The following UBTD1 variants were observed in gnomAD, a reference collection of about 807,000 sequenced individuals.
UBTD1 encodes ubiquitin domain-containing protein 1.
In UBTD1, 19 loss-of-function variants were observed where a neutral mutation model predicts 21.7. The ratio of observed to expected loss-of-function variants is 0.87; its 90% CI spans 0.61 to 1.28. UBTD1 has a LOEUF of 1.28. UBTD1 is among the 50% of genes most tolerant of loss of function. UBTD1 has a pLI of 0.00. For missense variants in UBTD1, 282 were observed against 315.1 expected (o/e 0.89, Z 0.80); for synonymous variants, 116 against 135.1 (o/e 0.86, Z 0.98).
chr10:97,568,027 G>A lies in UBTD1; in HGVS notation c.184G>A (p.Glu62Lys), dbSNP rs1159008496. The stretch of plus-strand genomic sequence containing the variant: ...GTTCTGGGACACAGCGCCTGCCTTC[G>A]AGGGCCGCAAGGAGATCTGGGATGC... ...DEFWDTAPAF[E>K]GRKEIWDALK... Residue 62 changes from glutamate to lysine, a missense_variant, in exon 2 of 3, where the codon GAG (glutamate) becomes AAG (lysine). By Grantham distance (56) the Glu-to-Lys change is moderately conservative (BLOSUM62 1). Coordinates refer to ENST00000370664, the MANE Select transcript of UBTD1 (RefSeq NM_024954.5). The A allele has an allele frequency of 6.8e-6, 11 of 1,613,924 alleles. No homozygotes were observed. In the Admixed American group the frequency reaches 1.0e-4, roughly 15 times the overall value.
In UBTD1 at chr10:97,499,116, C is replaced by T; in HGVS notation, c.-88C>T. 5 of 1,409,332 alleles carry T rather than the reference C, an allele frequency of 3.5e-6. No individual in the cohort carries two copies. The South Asian group carries it at 5.6e-5, about 16-fold the overall frequency. 87.3% of individuals were successfully genotyped at this position (1,409,332 alleles called of 1,614,324 possible). On this transcript the variant is annotated 5_prime_UTR_variant, in exon 1 of 3. Coordinates refer to ENST00000370664, the MANE Select transcript of UBTD1 (RefSeq NM_024954.5). ...CGGGGAGCGCCCGATGCCGGGCGGC[C>T]GGAGCCATTGACCCGGGACGCCGCC...
At chr10:97,511,689 C>G (rs1043732579) in intron 1 of UBTD1, among the ~76,000 whole-genome samples, 1 of 152,056 alleles carries the variant, frequency 6.6e-6, no homozygotes, top group Non-Finnish European at 1.5e-5. Flanking sequence ...TGAAAGCGCT[C>G]TGTTCCCCCA....
At chr10:97,528,796 C>T (rs1252012073) in intron 1 of UBTD1, among the ~76,000 whole-genome samples, 7 of 138,666 alleles carry the variant, frequency 5.0e-5, no homozygotes, top group East Asian at 2.2e-4. Flanking sequence ...CCCTCCCGGA[C>T]GGGGCGGCTG....
At chr10:97,528,846 C>T (rs1330839999) in intron 1 of UBTD1, among the ~76,000 whole-genome samples, 3 of 138,376 alleles carry the variant, frequency 2.2e-5, no homozygotes, top group East Asian at 2.2e-4. Flanking sequence ...TAGGGGCGGC[C>T]GGGCAGAGGC....
Position 97,570,407 on chromosome 10 carries a change from C to T in UBTD1, c.568C>T (p.Arg190Trp), listed in dbSNP as rs752139608. 16 of 1,613,410 alleles carry T rather than the reference C, an allele frequency of 9.9e-6. No individual in the cohort carries two copies. Among genetic ancestry groups the T allele is most frequent in the Admixed American group, 1.7e-5 (1 of 60,032 alleles). ...AQEGIEPSWQ[R>W]WFFSGKLLTD... ...GGAGGGCATCGAGCCATCGTGGCAG[C>T]GGTGGTTCTTCTCCGGGAAGCTGCT... Residue 190 changes from arginine (R) to tryptophan (W), a missense_variant, in exon 3 of 3, where the codon CGG (arginine) becomes TGG (tryptophan). Arg to Trp is a moderately radical substitution (Grantham distance 101, BLOSUM62 -3). Transcript: ENST00000370664. The surrounding 1 kb of genome is among the most constrained non-coding windows in gnomAD (Gnocchi z 6.6).
At chr10:97,544,630 T>G (rs530436018) in intron 1 of UBTD1, among the ~76,000 whole-genome samples, 1 of 152,316 alleles carries the variant, frequency 6.6e-6, no homozygotes, top group South Asian at 2.1e-4. Flanking sequence ...AACACATATT[T>G]TGTATATTAT....
In UBTD1 at chr10:97,499,055, C is replaced by G; in HGVS notation, c.-149C>G. 1.2e-6 allele frequency: 1 copy of G among 858,848 alleles called. No homozygotes were observed. Among genetic ancestry groups the G allele is most frequent in the Non-Finnish European group, 1.7e-6 (1 of 584,516 alleles). 53.2% of individuals were successfully genotyped at this position (858,848 alleles called of 1,614,324 possible). ...CCTGGCCCGCAAAGTTTTGGCGGAG[C>G]CATCGCTGGGGCTGAGCGCGCCCCC... is the stretch of plus-strand genomic sequence containing the variant. On this transcript the variant is annotated 5_prime_UTR_variant, in exon 1 of 3. Coordinates refer to ENST00000370664, the MANE Select transcript of UBTD1 (RefSeq NM_024954.5).
chr10:97,535,441 C>T (rs1394329760), intron 1 of UBTD1, among the ~76,000 whole-genome samples: 1 of 152,092 alleles, frequency 6.6e-6, no homozygotes, highest in Non-Finnish European at 1.5e-5. Flanking sequence ...CAGTGAAACC[C>T]CATATCTACT....
chr10:97,568,876 T>A (rs1017003169), intron 2 of UBTD1, among the ~76,000 whole-genome samples: 6 of 151,816 alleles, frequency 4.0e-5, no homozygotes, highest in African/African-American at 1.5e-4. Flanking sequence ...CAGGCTGGAA[T>A]GCAGTGGAGC....
chr10:97,547,625 C>T (rs1403251652), intron 1 of UBTD1, among the ~76,000 whole-genome samples: 1 of 152,072 alleles, frequency 6.6e-6, no homozygotes, highest in Non-Finnish European at 1.5e-5. Context: ...AGTGCAGTGG[C>T]GTGATCTTGG....
At chr10:97,546,190 C>A (rs2040609924) in intron 1 of UBTD1, among the ~76,000 whole-genome samples, 1 of 152,172 alleles carries the variant, frequency 6.6e-6, no homozygotes, top group South Asian at 2.1e-4. Flanking sequence ...AATTGCCCCC[C>A]AGCTGGGGTG....
At chr10:97,541,224 C>T (rs900391608) in intron 1 of UBTD1, among the ~76,000 whole-genome samples, 4 of 152,146 alleles carry the variant, frequency 2.6e-5, no homozygotes, top group African/African-American at 4.8e-5. Context: ...TGCCTGTAAT[C>T]CTAGCAATTC....
At chr10:97,547,659 G>A (rs1317891089) in intron 1 of UBTD1, among the ~76,000 whole-genome samples, 1 of 152,124 alleles carries the variant, frequency 6.6e-6, no homozygotes, top group African/African-American at 2.4e-5. Flanking sequence ...CCACCTCCTG[G>A]GTTCAAGCGA....
chr10:97,517,238 G>A (rs1020881534), intron 1 of UBTD1, among the ~76,000 whole-genome samples: 3 of 152,254 alleles, frequency 2.0e-5, no homozygotes, highest in Middle Eastern at 3.4e-3. Context: ...GGGGCTCTGG[G>A]GAGGGGCCTG....
At chr10:97,531,782 C>T (rs1191961630) in intron 1 of UBTD1, among the ~76,000 whole-genome samples, 1 of 152,210 alleles carries the variant, frequency 6.6e-6, no homozygotes, top group Non-Finnish European at 1.5e-5. Context: ...CTGTGATAAA[C>T]AGTTCCTAGG....
chr10:97,503,524 G>A (rs2040386385), intron 1 of UBTD1, among the ~76,000 whole-genome samples: 1 of 152,202 alleles, frequency 6.6e-6, no homozygotes, highest in Admixed American at 6.5e-5. Flanking sequence ...ACTCTGTGAT[G>A]TGCCAGGCAT....
intron 1 of UBTD1, among the ~76,000 whole-genome samples, chr10:97,549,452 C>T (rs143965253): frequency 2.6e-5 from 4 of 152,328 alleles, no homozygotes; most frequent in African/African-American, 9.6e-5. Flanking sequence ...TGCAGCATGC[C>T]AGGCATTAAC....
At chr10:97,539,750 T>C (rs2040579209) in intron 1 of UBTD1, among the ~76,000 whole-genome samples, 1 of 152,154 alleles carries the variant, frequency 6.6e-6, no homozygotes, top group African/African-American at 2.4e-5. Flanking sequence ...TTGGGGGTCC[T>C]GCTCTTGTGG....
At position 97,500,725 on chromosome 10, in the gene UBTD1, C is replaced by T. The variant is rs563262437; in HGVS notation, c.70+1452C>T. Among the ~76,000 whole-genome samples, 152 of 152,056 alleles carry T rather than the reference C, an allele frequency of 1.0e-3. 1 individual carries two copies. The highest frequency in any genetic ancestry group is 1.7e-3 in the Non-Finnish European group (116 of 68,032). ...ACCATCACCTTCTAGCTTGGGGGCA[C>T]GCTGGTGCTTAAGTTTGACATTCTG... is the stretch of plus-strand genomic sequence containing the variant. On this transcript the variant is annotated intron_variant, in intron 1 of 2. Coordinates refer to ENST00000370664, the MANE Select transcript of UBTD1 (RefSeq NM_024954.5).
Sources: allele counts gnomAD v4.1 joint callset (sites outside exome capture counted in the v4.1 genomes callset), GRCh38; gene constraint gnomAD v4.1.1; non-coding constraint Gnocchi (gnomAD v3.1); transcripts MANE v1.5; gene names NCBI Gene and HGNC (gene_info 2026-07-23, HGNC 2026-07-21).